The following KDM6A variants were observed in gnomAD, a reference collection of about 807,000 sequenced individuals.
The protein encoded by KDM6A is lysine demethylase 6A.
Under a neutral mutation model 117.6 loss-of-function variants are expected in KDM6A, and 11 were observed. The observed-to-expected ratio is 0.09, with a 90% CI of 0.06 to 0.15. KDM6A has a LOEUF of 0.15. Among genes scored for constraint, KDM6A ranks in the 10% least tolerant of loss-of-function variants. KDM6A has a pLI of 1.00. For missense variants in KDM6A, 799 were observed against 1,077.3 expected, an observed-to-expected ratio of 0.74 and a Z score of 3.62; for synonymous variants, 384 against 396.1, an observed-to-expected ratio of 0.97 and a Z score of 0.36.
rs780378787 is a variant in KDM6A at position 45,069,612 on chromosome X, G to A, written c.2113G>A (p.Gly705Ser). 8.3e-7 allele frequency: 1 copy of A among 1,210,532 alleles called. No individual in the cohort carries two copies. Among genetic ancestry groups the A allele is most frequent in the South Asian group, 1.8e-5 (1 of 56,863 alleles). ...CAAAGGTCAGAGTTCACATTCGGCA[G>A]GTCCTAATGGTGAACGACCTCTCTC... ...LHKGQSSHSA[G>S]PNGERPLSST... The change falls in exon 18 of 30, where the codon GGT (glycine) becomes AGT (serine). Residue 705 changes from glycine to serine, a missense_variant. By Grantham distance (56) the Gly-to-Ser change is moderately conservative. This residue lies in a region of KDM6A where 301 missense variants were observed against 318.3 expected (regional missense o/e 0.95). Coordinates refer to ENST00000611820, the MANE Select transcript of KDM6A (RefSeq NM_001291415.2).
chrX:44,988,207 T>C (rs1445961473), intron 4 of KDM6A, among the ~76,000 whole-genome samples: 1 of 112,249 alleles, frequency 8.9e-6, no homozygotes, highest in Non-Finnish European at 1.9e-5. Context: ...AATCGGCTAC[T>C]GAGGCTTGTG....
At chrX:45,046,855 CT>C (rs1293546296) in intron 8 of KDM6A, among the ~76,000 whole-genome samples, 1 of 111,174 alleles carries the variant, frequency 9.0e-6, no homozygotes, top group Non-Finnish European at 1.9e-5. Flanking sequence ...CATGTAGAAG[CT>C]GAGTATATCA....
chrX:44,947,677 A>G (rs2037732790), intron 2 of KDM6A, among the ~76,000 whole-genome samples: 1 of 111,776 alleles, frequency 8.9e-6, no homozygotes, highest in South Asian at 3.7e-4. Flanking sequence ...CGCCCAGCCA[A>G]TACTCAGATT....
At chrX:44,998,133 A>G (rs1446735633) in intron 4 of KDM6A, among the ~76,000 whole-genome samples, 1 of 111,839 alleles carries the variant, frequency 8.9e-6, no homozygotes, top group Non-Finnish European at 1.9e-5. Flanking sequence ...GCAGATTGAA[A>G]GAGGAGGAAA....
chrX:45,039,497 T>G (rs1320178299), intron 8 of KDM6A, among the ~76,000 whole-genome samples: 1 of 98,172 alleles, frequency 1.0e-5, no homozygotes, highest in Non-Finnish European at 2.0e-5. Context: ...ATTGATTCAT[T>G]TGATAATTTT....
chrX:45,062,837 AT>A (rs1225022034), intron 16 of KDM6A, 89 bp downstream of exon 16: 1 of 585,177 alleles, frequency 1.7e-6, no homozygotes, highest in African/African-American at 2.2e-5. Context: ...GTTTATGTTC[AT>A]TTTTACTTTC....
intron 8 of KDM6A, among the ~76,000 whole-genome samples, chrX:45,040,848 T>G (rs1257926961): frequency 3.0e-3 from 103 of 34,643 alleles, no homozygotes; most frequent in Non-Finnish European, 3.4e-3. Context: ...CCTCCCGGAC[T>G]GGGCGGCTGG....
chrX:45,061,659 T>G (rs2044303481), intron 15 of KDM6A, among the ~76,000 whole-genome samples: 1 of 108,084 alleles, frequency 9.3e-6, no homozygotes, highest in South Asian at 4.1e-4. Context: ...ACCCCGCTAA[T>G]TTTTATATTT....
At chrX:45,004,944 A>G (rs1229336367) in intron 4 of KDM6A, among the ~76,000 whole-genome samples, 1 of 110,657 alleles carries the variant, frequency 9.0e-6, no homozygotes, top group Non-Finnish European at 1.9e-5. Flanking sequence ...CTGCCACTCC[A>G]TAAGGGTTAT....
At chrX:45,025,809 A>G (rs1330829226) in intron 6 of KDM6A, among the ~76,000 whole-genome samples, 1 of 112,398 alleles carries the variant, frequency 8.9e-6, no homozygotes, top group Admixed American at 9.5e-5. Context: ...TAGGTAACCA[A>G]AAAGGGTGCC....
intron 4 of KDM6A, among the ~76,000 whole-genome samples, chrX:45,005,969 AC>A (rs1569516057): frequency 0.079 from 1,066 of 13,570 alleles, 43 homozygotes; most frequent in African/African-American, 0.22. Flanking sequence ...CCACCCCCCC[AC>A]CCCCCCCACC....
chrX:44,986,160 T>G (rs1261098606), intron 4 of KDM6A, among the ~76,000 whole-genome samples: 1 of 111,890 alleles, frequency 8.9e-6, no homozygotes, highest in Non-Finnish European at 1.9e-5. Context: ...GTCAAGGAAT[T>G]TATCCATTTC....
chrX:44,928,043 T>C (rs1022932294), intron 2 of KDM6A, among the ~76,000 whole-genome samples: 1 of 111,506 alleles, frequency 9.0e-6, no homozygotes, highest in African/African-American at 3.3e-5. Context: ...CCTAGGGGAC[T>C]ATAAAGGAGA....
chrX:44,958,971 T>A (rs2038522184), intron 2 of KDM6A, among the ~76,000 whole-genome samples: 1 of 111,465 alleles, frequency 9.0e-6, no homozygotes, highest in East Asian at 2.8e-4. Flanking sequence ...TATCTCAAGT[T>A]ATTTATTTTC....
At chrX:45,100,860 A>T in intron 27 of KDM6A, among the ~76,000 whole-genome samples, 1 of 106,897 alleles carries the variant, frequency 9.4e-6, no homozygotes, top group Non-Finnish European at 1.9e-5. Flanking sequence ...TTTTTTAATT[A>T]AAAAAATAAA....
chrX:45,088,851 A>T (rs1362514893), intron 25 of KDM6A, among the ~76,000 whole-genome samples: 1 of 112,954 alleles, frequency 8.9e-6, no homozygotes, highest in African/African-American at 3.2e-5. Flanking sequence ...GAATGTTTCC[A>T]AAGTATATTG....
At position 45,087,564 on chromosome X, in the gene KDM6A, G is replaced by A. The variant is rs773042415; in HGVS notation, c.3704+1585G>A. On this transcript the variant is annotated intron_variant, in intron 25 of 29. Coordinates refer to ENST00000611820, the MANE Select transcript of KDM6A (RefSeq NM_001291415.2). Reference sequence around the variant, plus strand: ...TCTGTACTTTTTTTATGGACCAGTAGCAGCAGAGAAAGAACATTGTTATAT... The same window carrying A: ...TCTGTACTTTTTTTATGGACCAGTAACAGCAGAGAAAGAACATTGTTATAT... Among the ~76,000 whole-genome samples the A allele has an allele frequency of 4.5e-5, 5 of 112,058 alleles. No homozygotes were observed. In the East Asian group the frequency reaches 1.1e-3, roughly 25 times the overall value.
intron 8 of KDM6A, among the ~76,000 whole-genome samples, chrX:45,040,277 C>T (rs377474795): frequency 0.025 from 2,491 of 98,973 alleles, 102 homozygotes; most frequent in African/African-American, 0.091. Context: ...GGGTGCTGAC[C>T]CCCCCACCTC....
chrX:44,938,006 C>T (rs2037076021), intron 2 of KDM6A, among the ~76,000 whole-genome samples: 1 of 111,883 alleles, frequency 8.9e-6, no homozygotes, highest in African/African-American at 3.3e-5. Flanking sequence ...CACAGGGTCT[C>T]ACTTTGTTGC....
Sources: allele counts gnomAD v4.1 joint callset (sites outside exome capture counted in the v4.1 genomes callset), GRCh38; gene constraint gnomAD v4.1.1; regional missense constraint gnomAD v4.1.1; transcripts MANE v1.5; gene names NCBI Gene and HGNC (gene_info 2026-07-23, HGNC 2026-07-21).